Variants in ANO1 observed in about 807,000 individuals in gnomAD.
The protein encoded by ANO1 is anoctamin-1.
Under a neutral mutation model 124.0 loss-of-function variants are expected in ANO1, and 59 were observed. The ratio of observed to expected loss-of-function variants is 0.48; its 90% CI spans 0.39 to 0.59. ANO1 has a LOEUF of 0.59. Ranked by LOEUF, ANO1 falls within the 20% of genes least tolerant of loss-of-function variation. The probability of loss-of-function intolerance (pLI) is 0.00; values close to 1 mark genes in which losing one functional copy is unlikely to be tolerated. For missense variants in ANO1, 1,059 were observed against 1,328.0 expected (o/e 0.80, Z 3.15); for synonymous variants, 529 against 532.0 (o/e 0.99, Z 0.08).
intron 1 of ANO1, among the ~76,000 whole-genome samples, chr11:70,032,019 A>C (rs1857010812): frequency 1.3e-5 from 2 of 152,066 alleles, no homozygotes; most frequent in Non-Finnish European, 2.9e-5. Flanking sequence ...CTACTCTGTG[A>C]TAGGCCCTCT....
At chr11:70,085,157 G>T (rs962030302) in intron 1 of ANO1, among the ~76,000 whole-genome samples, 1 of 152,160 alleles carries the variant, frequency 6.6e-6, no homozygotes, top group African/African-American at 2.4e-5. Context: ...CCTCCTTGGC[G>T]AATTGAGAAG....
chr11:70,149,831 C>T (rs756156997), intron 12 of ANO1, 39 bp downstream of exon 12: 2 of 1,599,476 alleles, frequency 1.3e-6, no homozygotes, highest in Non-Finnish European at 1.7e-6. Flanking sequence ...CGCCCTTCCC[C>T]CACGTTCCCC....
the ANO1 span, among the ~76,000 whole-genome samples, chr11:69,969,351 T>A: frequency 6.6e-6 from 1 of 152,200 alleles, no homozygotes; most frequent in Non-Finnish European, 1.5e-5. Flanking sequence ...ATCCTGGTGC[T>A]GGGACTGACC....
chr11:70,014,017 G>GAT (rs782121382), intron 1 of ANO1, among the ~76,000 whole-genome samples: 4 of 151,564 alleles, frequency 2.6e-5, no homozygotes, highest in Non-Finnish European at 5.9e-5. Flanking sequence ...GAGAGAGAGA[G>GAT]AGATCTCTGG....
chr11:70,066,724 C>T (rs139332830), intron 1 of ANO1, among the ~76,000 whole-genome samples: 2,264 of 152,256 alleles, frequency 0.015, 26 homozygotes, highest in South Asian at 0.044. Flanking sequence ...CCCCCTTCAG[C>T]GGCAGGGATG....
intron 11 of ANO1, among the ~76,000 whole-genome samples, chr11:70,135,273 C>T (rs575397465): frequency 5.9e-5 from 9 of 152,286 alleles, no homozygotes; most frequent in African/African-American, 2.2e-4. Context: ...AAGAAAAGGC[C>T]TCCGATGGAA....
intron 22 of ANO1, among the ~76,000 whole-genome samples, chr11:70,171,627 G>A (rs1014341869): frequency 3.3e-5 from 5 of 152,220 alleles, no homozygotes; most frequent in African/African-American, 1.2e-4. Context: ...TGACCATGTG[G>A]AGAAGGGGTG....
At chr11:69,971,267 C>T in the ANO1 span, among the ~76,000 whole-genome samples, 1 of 152,194 alleles carries the variant, frequency 6.6e-6, no homozygotes, top group Admixed American at 6.5e-5. Flanking sequence ...TCTCTGGGTC[C>T]TCTCCAGCCT....
At chr11:70,061,474 A>C (rs879962270) in intron 1 of ANO1, among the ~76,000 whole-genome samples, 4,505 of 60,508 alleles carry the variant, frequency 0.074, no homozygotes, top group Non-Finnish European at 0.079. Flanking sequence ...CTCTCTCCCC[A>C]CCTCCCCCTC....
Position 70,161,681 on chromosome 11 carries a change from A to C in ANO1, c.1840A>C (p.Lys614Gln). 1 of 1,613,980 alleles carries C rather than the reference A, an allele frequency of 6.2e-7. No homozygotes were observed. The highest frequency in any genetic ancestry group is 1.1e-5 in the South Asian group (1 of 91,080). The change falls in exon 18 of 26, where the codon AAG becomes CAG. Residue 614 changes from lysine to glutamine, a missense_variant. Lys to Gln is a moderately conservative substitution (Grantham distance 53). Around this residue, in one of 2 missense-constraint regions of ANO1, gnomAD observed 809 missense variants for 1,094.9 expected, o/e 0.74. Coordinates refer to ENST00000355303, the MANE Select transcript of ANO1 (RefSeq NM_018043.7). ...ERLIFKAFLL[K>Q]FVNSYTPIFY... ...GCTGATCTTCAAGGCTTTCCTGCTGAAGTTTGTGAATTCCTACACCCCCAT... is the reference window on the plus strand; with the variant it reads ...GCTGATCTTCAAGGCTTTCCTGCTGCAGTTTGTGAATTCCTACACCCCCAT...
At chr11:70,167,531 A>G (rs2135743652) in intron 21 of ANO1, 144 bp downstream of exon 21, 1 of 1,230,468 alleles carries the variant, frequency 8.1e-7, no homozygotes. Flanking sequence ...CAGGGAGAAG[A>G]GAGATGCAGA....
intron 1 of ANO1, among the ~76,000 whole-genome samples, chr11:70,009,034 A>T (rs1856544390): frequency 6.6e-6 from 1 of 152,204 alleles, no homozygotes; most frequent in Admixed American, 6.5e-5. Context: ...TGAGGTTAAC[A>T]TTGGCCCCCG....
At chr11:70,047,219 G>C (rs1193868562) in intron 1 of ANO1, among the ~76,000 whole-genome samples, 1 of 151,978 alleles carries the variant, frequency 6.6e-6, no homozygotes, top group African/African-American at 2.4e-5. Context: ...TATCAGGATT[G>C]GTTCATTAAT....
chr11:70,087,637 G>A (rs1209689920), intron 1 of ANO1, 115 bp from the exon 2 acceptor site: 2 of 1,053,142 alleles, frequency 1.9e-6, no homozygotes, highest in African/African-American at 1.6e-5. Flanking sequence ...GGCGCTCAGG[G>A]AGTGTTTGTT....
At chr11:70,182,385 A>G in intron 23 of ANO1, 117 bp from the exon 24 acceptor site, 1 of 840,748 alleles carries the variant, frequency 1.2e-6, no homozygotes, top group Non-Finnish European at 1.7e-6. Flanking sequence ...GGTCCCCGCC[A>G]GAGGCAGTGG....
chr11:69,976,755 C>G, the ANO1 span, among the ~76,000 whole-genome samples: 6 of 152,162 alleles, frequency 3.9e-5, no homozygotes, highest in African/African-American at 7.2e-5. Context: ...GTAGCATCTG[C>G]TATGGCAGCT....
intron 1 of ANO1, among the ~76,000 whole-genome samples, chr11:70,002,437 C>T (rs1856398612): frequency 8.1e-6 from 1 of 123,600 alleles, no homozygotes; most frequent in African/African-American, 3.0e-5. Flanking sequence ...GCACTCCAGC[C>T]TGGGCAACAA....
chr11:70,106,157 C>A (rs2045534451), intron 5 of ANO1, among the ~76,000 whole-genome samples: 1 of 152,112 alleles, frequency 6.6e-6, no homozygotes, highest in African/African-American at 2.4e-5. Flanking sequence ...GCTTTCAGGG[C>A]AGGCAGGTGT....
rs371590244 is a variant in ANO1, at chr11:70,185,677, G to A, written c.2676G>A (p.Ala892=). 297 of 1,613,914 alleles carry A rather than the reference G, an allele frequency of 1.8e-4. 2 individuals are homozygous for A. The highest frequency in any genetic ancestry group is 1.6e-3 in the African/African-American group (121 of 75,050). ...GGGCCGTCCTGGCAGCCCGGCTGGC[G>A]TTTGTCATCGTCTTCCAGGTGCGGT... The part of the protein sequence containing the change: ...DFWAVLAARL[A]FVIVFQNLVM... Residue 892 remains alanine, a synonymous_variant, in exon 25 of 26, where the codon GCG becomes GCA. Coordinates refer to ENST00000355303, the MANE Select transcript of ANO1 (RefSeq NM_018043.7).
Sources: allele counts gnomAD v4.1 joint callset (sites outside exome capture counted in the v4.1 genomes callset), GRCh38; gene constraint gnomAD v4.1.1; regional missense constraint gnomAD v4.1.1; transcripts MANE v1.5; gene names NCBI Gene and HGNC (gene_info 2026-07-23, HGNC 2026-07-21).